The following DUSP10 variants were observed in gnomAD, a reference collection of about 807,000 sequenced individuals.
DUSP10 encodes dual specificity phosphatase 10, also known as dual specificity protein phosphatase 10.
DUSP10 carries 14 observed loss-of-function variants against 30.8 expected under a neutral mutation model. The observed-to-expected ratio is 0.46, with a 90% confidence interval of 0.30 to 0.71. The LOEUF (loss-of-function observed/expected upper bound fraction) is 0.71, where lower values mean the gene tolerates loss of function less well. Ranked by LOEUF, DUSP10 falls within the 30% of genes least tolerant of loss-of-function variation. The pLI is 0.08. For synonymous variants in DUSP10, 254 were observed against 250.4 expected (o/e 1.01, Z -0.14); for missense variants, 550 against 619.4 (o/e 0.89, Z 1.19).
At position 221,739,518 on chromosome 1, in the gene DUSP10, C is replaced by T; in HGVS notation, c.227G>A (p.Ser76Asn). ...TGCCACAGTGCAGCAGCTGGCACTG[C>T]TGCATCCACAATTCAGCGAGCGGGC... The part of the protein sequence containing the change: ...GSARSLNCGC[S>N]SASCCTVATY... The change falls in exon 2 of 4, where the codon AGC becomes AAC. Residue 76 changes from serine (S) to asparagine (N), a missense_variant. By Grantham distance (46) the Ser-to-Asn change is conservative (BLOSUM62 1). Transcript: ENST00000366899. 1.2e-6 allele frequency: 2 copies of T among 1,614,172 alleles called. No homozygotes were observed. Among genetic ancestry groups the T allele is most frequent in the Non-Finnish European group, 1.7e-6 (2 of 1,180,042 alleles).
intron 2 of DUSP10, among the ~76,000 whole-genome samples, chr1:221,735,431 C>T (rs1056830506): frequency 6.6e-6 from 1 of 152,156 alleles, no homozygotes; most frequent in African/African-American, 2.4e-5. Flanking sequence ...ACATGACACT[C>T]AAGTGTTTAC....
At chr1:221,723,292 A>G (rs1323059311) in intron 2 of DUSP10, among the ~76,000 whole-genome samples, 1 of 152,226 alleles carries the variant, frequency 6.6e-6, no homozygotes, top group East Asian at 1.9e-4. Context: ...TCTAGAATGC[A>G]AATGGCCATT....
In DUSP10 at chr1:221,706,180, G is replaced by A; in HGVS notation, c.1098C>T (p.Gly366=). 6.2e-7 allele frequency: 1 copy of A among 1,614,134 alleles called. No individual in the cohort carries two copies. The highest frequency in any genetic ancestry group is 8.5e-7 in the Non-Finnish European group (1 of 1,180,014). The change falls in exon 3 of 4, where the codon GGC becomes GGT. Residue 366 remains glycine (G), a synonymous_variant. Transcript: ENST00000366899. The surrounding 1 kb of genome is among the most constrained non-coding windows in gnomAD (Gnocchi z 4.6). Reference sequence around the variant, plus strand: ...CTGGCAGCCGCTTGTAGTTGAACAGGCCTTTCTCATAGTGGTAGAGGGGAA... The same window carrying A: ...CTGGCAGCCGCTTGTAGTTGAACAGACCTTTCTCATAGTGGTAGAGGGGAA... The part of the protein sequence containing the change: ...THLPLYHYEK[G]LFNYKRLPAT...
chr1:221,702,594 A>T lies in DUSP10; in HGVS notation c.1267T>A (p.Leu423Met), dbSNP rs1407129504. 6.2e-6 allele frequency: 10 copies of T among 1,614,080 alleles called. No homozygotes were observed. Among genetic ancestry groups the T allele is most frequent in the Non-Finnish European group, 8.5e-6 (10 of 1,180,042 alleles). The change falls in exon 4 of 4, where the codon TTG becomes ATG. Residue 423 changes from leucine (L) to methionine (M), a missense_variant. Transcript: ENST00000366899. The surrounding 1 kb of genome is among the most constrained non-coding windows in gnomAD (Gnocchi z 4.5). ...SRSATIVIAY[L>M]MKHTRMTMTD... is the part of the protein sequence containing the mutation. Reference sequence around the variant, plus strand: ...ATGGTCATCCGAGTGTGCTTCATCAAGTAAGCGATGACGATGGTGGCGGAG... The same window carrying T: ...ATGGTCATCCGAGTGTGCTTCATCATGTAAGCGATGACGATGGTGGCGGAG...
intron 2 of DUSP10, among the ~76,000 whole-genome samples, chr1:221,718,974 A>G (rs1661199423): frequency 2.0e-5 from 3 of 152,360 alleles, no homozygotes; most frequent in Admixed American, 1.3e-4. Flanking sequence ...TAAGCAAGAC[A>G]AAGTTACACA....
chr1:221,728,383 C>T (rs1415828191), intron 2 of DUSP10, among the ~76,000 whole-genome samples: 2 of 152,160 alleles, frequency 1.3e-5, no homozygotes, highest in African/African-American at 2.4e-5. Flanking sequence ...CTGCCCCTAA[C>T]ACAGGATTCC....
At position 221,739,341 on chromosome 1, in the gene DUSP10, C is replaced by A. The variant is rs1558128922; in HGVS notation, c.404G>T (p.Ser135Ile). The A allele has an allele frequency of 1.9e-6, 3 of 1,613,922 alleles. No individual in the cohort carries two copies. The highest frequency in any genetic ancestry group is 2.5e-6 in the Non-Finnish European group (3 of 1,179,950). The change falls in exon 2 of 4, where the codon AGC (serine) becomes ATC (isoleucine). Residue 135 changes from serine (S) to isoleucine (I), a missense_variant. Transcript: ENST00000366899. ...GSLSPSSGVG[S>I]PVSGTPKQLA... ...CTGCTTGGGGGTCCCTGACACAGGG[C>A]TGCCCACCCCACTTGATGGACTTAG...
At chr1:221,714,966 A>C (rs1205929985) in intron 2 of DUSP10, among the ~76,000 whole-genome samples, 3 of 152,044 alleles carry the variant, frequency 2.0e-5, no homozygotes, top group Non-Finnish European at 4.4e-5. Context: ...AAGAACTAAA[A>C]CAGTCACTTT....
At position 221,702,901 on chromosome 1, in the gene DUSP10, A is replaced by G. The variant is rs930190720; in HGVS notation, c.1184-224T>C. On this transcript the variant is annotated intron_variant, in intron 3 of 3. Coordinates refer to ENST00000366899, the MANE Select transcript of DUSP10 (RefSeq NM_007207.6). This position sits in a 1 kb window ranked among gnomAD's most constrained non-coding sequence, Gnocchi z 4.5. ...AGCACGAACAAGAAGCTATACATCT[A>G]CATTTAAAGAGAAGATTAAATGAAA... Among the ~76,000 whole-genome samples, 1 of 152,236 alleles carries G rather than the reference A, an allele frequency of 6.6e-6. No homozygotes were observed. Among genetic ancestry groups the G allele is most frequent in the Non-Finnish European group, 1.5e-5 (1 of 68,036 alleles).
At chr1:221,705,988 C>G (rs1286839014) in intron 3 of DUSP10, 107 bp downstream of exon 3, 1 of 1,475,698 alleles carries the variant, frequency 6.8e-7, no homozygotes, top group Non-Finnish European at 9.1e-7. Context: ...AACTCCAGGG[C>G]AGCTTTTCTT....
At position 221,706,649 on chromosome 1, in the gene DUSP10, C is replaced by T. The variant is rs1203688967; in HGVS notation, c.812-183G>A. 7.9e-5 allele frequency among the ~76,000 whole-genome samples: 12 copies of T among 151,896 alleles called. 1 individual carries two copies. The highest frequency in any genetic ancestry group is 7.9e-4 in the Admixed American group (12 of 15,258). The stretch of plus-strand genomic sequence containing the variant: ...CAAAACAAAACAAAAACTAAAAGTC[C>T]ATTTGGAGACCCAAGACAAGCTTCG... On this transcript the variant is annotated intron_variant, in intron 2 of 3. Coordinates refer to ENST00000366899, the MANE Select transcript of DUSP10 (RefSeq NM_007207.6). This position sits in a 1 kb window ranked among gnomAD's most constrained non-coding sequence, Gnocchi z 4.6.
chr1:221,708,183 T>C (rs530100633), intron 2 of DUSP10, among the ~76,000 whole-genome samples: 7 of 152,196 alleles, frequency 4.6e-5, no homozygotes, highest in Admixed American at 1.3e-4. Flanking sequence ...CTTGTGGCTG[T>C]CTTGATAGTT....
Position 221,739,485 on chromosome 1 carries a change from T to C in DUSP10, c.260A>G (p.Asp87Gly). The C allele has an allele frequency of 6.2e-7, 1 of 1,614,152 alleles. No individual in the cohort carries two copies. ...SASCCTVATY[D>G]KDNQAQTQAI... The stretch of plus-strand genomic sequence containing the variant: ...TTGGGTTTGGGCCTGATTGTCCTTG[T>C]CGTAGGTTGCCACAGTGCAGCAGCT... The change falls in exon 2 of 4, where the codon GAC becomes GGC. Residue 87 changes from aspartate (D) to glycine (G), a missense_variant. Asp to Gly is a moderately conservative substitution (Grantham distance 94). Transcript: ENST00000366899.
At chr1:221,717,462 GA>G (rs1661139452) in intron 2 of DUSP10, among the ~76,000 whole-genome samples, 1 of 149,816 alleles carries the variant, frequency 6.7e-6, no homozygotes, top group Non-Finnish European at 1.5e-5. Context: ...AAGAAACAGA[GA>G]GAGAGAGAGA....
intron 2 of DUSP10, among the ~76,000 whole-genome samples, chr1:221,732,330 C>G (rs1004700543): frequency 6.6e-6 from 1 of 152,178 alleles, no homozygotes; most frequent in African/African-American, 2.4e-5. Context: ...ACTAGGTTAA[C>G]AGCTTAAACC....
At position 221,705,111 on chromosome 1, in the gene DUSP10, G is replaced by GGTT. The variant is rs59522738; in HGVS notation, c.1183+983_1183+984insAAC. Reference sequence around the variant, plus strand: ...GTGCTCCCAAAATGATATTTTGAGTGTTTTTTTTTTTTTTTGAGACAGAGT... The same window carrying GGTT: ...GTGCTCCCAAAATGATATTTTGAGTGGTTTTTTTTTTTTTTTTTGAGACAGAGT... On this transcript the variant is annotated intron_variant, in intron 3 of 3. Coordinates refer to ENST00000366899, the MANE Select transcript of DUSP10 (RefSeq NM_007207.6). Among the ~76,000 whole-genome samples, 507 of 141,988 alleles carry GGTT rather than the reference G, an allele frequency of 3.6e-3. 5 individuals carry two copies. The highest frequency in any genetic ancestry group is 0.011 in the African/African-American group (434 of 38,912). 93.1% of individuals were successfully genotyped at this position (141,988 alleles called of 152,430 possible).
At chr1:221,719,521 A>G (rs1163728435) in intron 2 of DUSP10, among the ~76,000 whole-genome samples, 1 of 152,138 alleles carries the variant, frequency 6.6e-6, no homozygotes, top group Non-Finnish European at 1.5e-5. Context: ...TTCTGAGATT[A>G]GGGGGAAAAC....
intron 2 of DUSP10, among the ~76,000 whole-genome samples, chr1:221,709,521 A>G (rs1250873968): frequency 6.6e-6 from 1 of 152,180 alleles, no homozygotes; most frequent in Non-Finnish European, 1.5e-5. Flanking sequence ...TAAGGTAAAC[A>G]AGGAAATTCT....
intron 2 of DUSP10, among the ~76,000 whole-genome samples, chr1:221,734,052 A>T (rs1158909084): frequency 6.6e-6 from 1 of 152,110 alleles, no homozygotes; most frequent in Non-Finnish European, 1.5e-5. Context: ...TTTCCTTCAC[A>T]TTCTAACTCA....
Sources: gnomAD v4.1 joint callset for allele counts (sites outside exome capture counted in the v4.1 genomes callset) on GRCh38, gnomAD v4.1.1 for gene constraint, Gnocchi (gnomAD v3.1) non-coding constraint, MANE v1.5 for transcripts, NCBI Gene and HGNC (gene_info 2026-07-23, HGNC 2026-07-21) for gene names.